ZNF497: variants seen among roughly 807,000 people sequenced by gnomAD.
ZNF497 encodes zinc finger protein 497.
For synonymous variants in ZNF497, 422 were observed against 313.7 expected, an observed-to-expected ratio of 1.35 and a Z score of -3.65; for missense variants, 930 against 714.0, an observed-to-expected ratio of 1.30 and a Z score of -3.45.
At position 58,356,521 on chromosome 19, in the gene ZNF497, T is replaced by G. The variant is rs1330782568; in HGVS notation, c.1115A>C (p.Asn372Thr). The G allele has an allele frequency of 6.5e-7, 1 of 1,549,514 alleles. No homozygotes were observed. The highest frequency in any genetic ancestry group is 8.7e-7 in the Non-Finnish European group (1 of 1,153,060). Residue 372 changes from asparagine to threonine, a missense_variant, in exon 3 of 3, where the codon AAC becomes ACC. Physicochemically the swap from Asn to Thr is moderately conservative, Grantham distance 65. Coordinates refer to ENST00000311044, the MANE Select transcript of ZNF497 (RefSeq NM_198458.3). ...QCGKAFSQRS[N>T]LLSHRRTHSG... ...GTGCGTGCGCCGGTGGCTCAGTAGGTTGGAGCGCTGGCTGAAGGCCTTGCC... is the reference window on the plus strand; with the variant it reads ...GTGCGTGCGCCGGTGGCTCAGTAGGGTGGAGCGCTGGCTGAAGGCCTTGCC...
rs772812242 is a variant in ZNF497 at position 58,356,683 on chromosome 19, A to T, written c.953T>A (p.Leu318Gln). Residue 318 changes from leucine to glutamine, a missense_variant, in exon 3 of 3, where the codon CTG becomes CAG. Leu to Gln is a moderately radical substitution (Grantham distance 113). Transcript: ENST00000311044. ...ACCAGTGTGCGTGCGCTGGTGCTGC[A>T]GGAGCTGCGAGCTCTCGCGGAAAGC... ...GKAFRESSQL[L>Q]QHQRTHTGER... is the part of the protein sequence containing the mutation. 1 of 1,556,290 alleles carries T rather than the reference A, an allele frequency of 6.4e-7. No homozygotes were observed. The highest frequency in any genetic ancestry group is 8.6e-7 in the Non-Finnish European group (1 of 1,156,850).
chr19:58,358,406 C>T (rs2148007825), intron 2 of ZNF497, 83 bp downstream of exon 2: 3 of 1,155,290 alleles, frequency 2.6e-6, no homozygotes, highest in Non-Finnish European at 3.3e-6. Flanking sequence ...TCCTCATTTG[C>T]CCTGAGCACC....
chr19:58,356,441 A>C lies in ZNF497; in HGVS notation c.1195T>G (p.Ser399Ala), dbSNP rs770850988. The change falls in exon 3 of 3, where the codon TCC (serine) becomes GCC (alanine). Residue 399 changes from serine to alanine, a missense_variant. Ser to Ala is a moderately conservative substitution (Grantham distance 99). Transcript: ENST00000311044. ...GAAAGCCGGTGGTGCGCCAGGCCGG[A>C]ACTGCCGCGGAAGGCCTTGCCGCAG... ...ADCGKAFRGS[S>A]GLAHHRLSHT... 4 of 1,559,198 alleles carry C rather than the reference A, an allele frequency of 2.6e-6. No individual in the cohort carries two copies. In the South Asian group the frequency reaches 3.5e-5, roughly 14 times the overall value.
chr19:58,359,294 G>A (rs1191348075), intron 1 of ZNF497: 2 of 1,281,420 alleles, frequency 1.6e-6, no homozygotes, highest in Non-Finnish European at 2.0e-6. Context: ...GGGGAGTGCA[G>A]CTGCATGGCC....
At chr19:58,361,145 G>A (rs1343432639) in intron 1 of ZNF497, among the ~76,000 whole-genome samples, 1 of 152,096 alleles carries the variant, frequency 6.6e-6, no homozygotes, top group African/African-American at 2.4e-5. Flanking sequence ...CAAAGTGCTA[G>A]TATTACAGGC....
intron 2 of ZNF497, 72 bp downstream of exon 2, chr19:58,358,417 T>A (rs2052053150): frequency 8.7e-7 from 1 of 1,155,476 alleles, no homozygotes; most frequent in Admixed American, 3.1e-5. Flanking sequence ...CCTGAGCACC[T>A]TATCATCCTT....
rs1308867851 is a variant in ZNF497, at chr19:58,356,460, G to C, written c.1176C>G (p.Gly392=). Residue 392 remains glycine (G), a synonymous_variant, in exon 3 of 3, where the codon GGC becomes GGG. Transcript: ENST00000311044. ...GAKPFACADC[G]KAFRGSSGLA... Reference sequence around the variant, plus strand: ...GGCCGGAACTGCCGCGGAAGGCCTTGCCGCAGTCGGCGCAGGCGAAGGGCT... The same window carrying C: ...GGCCGGAACTGCCGCGGAAGGCCTTCCCGCAGTCGGCGCAGGCGAAGGGCT... The C allele has an allele frequency of 6.4e-7, 1 of 1,553,582 alleles. No individual in the cohort carries two copies. The highest frequency in any genetic ancestry group is 1.9e-5 in the Admixed American group (1 of 52,888).
In ZNF497 at chr19:58,357,892, G is replaced by C. The variant is rs2052046838; in HGVS notation, c.-14-243C>G. The C allele has an allele frequency of 2.2e-6, 3 of 1,367,128 alleles. No individual in the cohort carries two copies. The South Asian group carries it at 5.2e-5, about 24-fold the overall frequency. The allele number at this position is 1,367,128 out of a possible 1,614,324, so 84.7% of individuals were successfully genotyped here. A position where few individuals can be genotyped will look rare whatever the true frequency, so the allele number is the denominator to read the frequency against. On this transcript the variant is annotated intron_variant, in intron 2 of 2. Transcript: ENST00000311044. ...ACGTGCACATCCCCACACCCGGCCC[G>C]GCCCAGCAGGAGGGGAGGGGGCGCC...
Position 58,357,049 on chromosome 19 carries a change from C to G in ZNF497, c.587G>C (p.Gly196Ala), listed in dbSNP as rs1201252734. ...CGTGGTGCTTCGGCCGAAGGACTTG[C>G]CGCAGTCCGGGCAGCGGAAGGGCTT... The part of the protein sequence containing the change: ...GLKPFRCPDC[G>A]KSFGRSTTLV... Residue 196 changes from glycine (G) to alanine (A), a missense_variant, in exon 3 of 3, where the codon GGC becomes GCC. Gly to Ala is a moderately conservative substitution (Grantham distance 60, BLOSUM62 0). Coordinates refer to ENST00000311044, the MANE Select transcript of ZNF497 (RefSeq NM_198458.3). 6.2e-7 allele frequency: 1 copy of G among 1,610,472 alleles called. No homozygotes were observed. The highest frequency in any genetic ancestry group is 1.7e-5 in the Admixed American group (1 of 59,694).
chr19:58,359,112 C>T (rs889498663), intron 1 of ZNF497: 4 of 1,101,346 alleles, frequency 3.6e-6, no homozygotes, highest in Non-Finnish European at 4.9e-6. Context: ...CGCAGCTGAG[C>T]CAGGGCCCCT....
chr19:58,356,087 G>A lies in ZNF497; in HGVS notation c.*52C>T, dbSNP rs376249760. 1.7e-4 allele frequency: 248 copies of A among 1,477,516 alleles called. 3 individuals carry two copies. The African/African-American group carries it at 3.0e-3, about 18-fold the overall frequency. 91.5% of individuals were successfully genotyped at this position (1,477,516 alleles called of 1,614,324 possible). On this transcript the variant is annotated 3_prime_UTR_variant, in exon 3 of 3. Coordinates refer to ENST00000311044, the MANE Select transcript of ZNF497 (RefSeq NM_198458.3). Reference sequence around the variant, plus strand: ...GCCAGCAGACAGCGCACTCACGCCCGAGACCCCGCAATGCCGTGTGTCCGC... The same window carrying A: ...GCCAGCAGACAGCGCACTCACGCCCAAGACCCCGCAATGCCGTGTGTCCGC...
Position 58,361,802 on chromosome 19 carries a change from A to G in ZNF497, c.-112+875T>C, listed in dbSNP as rs890741274. ...CGACATCTGATTTCAATAAAAATCC[A>G]TATTTGTGTATTGAAGTATCAGAAA... On this transcript the variant is annotated intron_variant, in intron 1 of 2. Transcript: ENST00000311044. Among the ~76,000 whole-genome samples the G allele has an allele frequency of 1.2e-4, 19 of 152,212 alleles. No homozygotes were observed. The East Asian group carries it at 3.1e-3, about 25-fold the overall frequency.
intron 1 of ZNF497, among the ~76,000 whole-genome samples, chr19:58,360,958 A>G (rs1305416011): frequency 6.7e-6 from 1 of 150,114 alleles, no homozygotes; most frequent in Non-Finnish European, 1.5e-5. Flanking sequence ...ATTTTTTTAT[A>G]TTTTTGGTAG....
chr19:58,359,756 G>C (rs1465582219), intron 1 of ZNF497, among the ~76,000 whole-genome samples: 4 of 152,112 alleles, frequency 2.6e-5, no homozygotes, highest in Admixed American at 2.6e-4. Context: ...GGTGGATCAC[G>C]AGGTCAGCAA....
Position 58,356,586 on chromosome 19 carries a change from G to T in ZNF497, c.1050C>A (p.Arg350=). The T allele has an allele frequency of 2.6e-6, 4 of 1,546,904 alleles. No individual in the cohort carries two copies. Among genetic ancestry groups the T allele is most frequent in the Non-Finnish European group, 3.5e-6 (4 of 1,151,012 alleles). ...CATGAGGCTTCTCGCCCGTGTGCACGCGCCGGTGCTCCGCCAGGTAGGAGC... is the reference window on the plus strand; with the variant it reads ...CATGAGGCTTCTCGCCCGTGTGCACTCGCCGGTGCTCCGCCAGGTAGGAGC... ...VMGSYLAEHR[R]VHTGEKPHAC... The change falls in exon 3 of 3, where the codon CGC becomes CGA. Residue 350 remains arginine, a synonymous_variant. Coordinates refer to ENST00000311044, the MANE Select transcript of ZNF497 (RefSeq NM_198458.3).
chr19:58,361,912 C>T (rs1024259497), intron 1 of ZNF497, among the ~76,000 whole-genome samples: 4 of 152,162 alleles, frequency 2.6e-5, no homozygotes, highest in Admixed American at 2.0e-4. Flanking sequence ...CCCCGACCCG[C>T]CAGCCCCCAG....
chr19:58,360,435 C>T (rs973692885), intron 1 of ZNF497, among the ~76,000 whole-genome samples: 1 of 151,712 alleles, frequency 6.6e-6, no homozygotes, highest in Non-Finnish European at 1.5e-5. Context: ...GTGGTGCAAT[C>T]TCATCTCCCA....
Position 58,355,552 on chromosome 19 carries a change from G to A in ZNF497, c.*587C>T, listed in dbSNP as rs1568556648. On this transcript the variant is annotated 3_prime_UTR_variant, in exon 3 of 3. Coordinates refer to ENST00000311044, the MANE Select transcript of ZNF497 (RefSeq NM_198458.3). ...AAGTCCCATGAAACAGACCTACACA[G>A]GTGAGATTCTGAGATTGATCTGGTT... The A allele has an allele frequency of 6.6e-6, 1 of 152,378 alleles. No homozygotes were observed. Among genetic ancestry groups the A allele is most frequent in the Non-Finnish European group, 1.5e-5 (1 of 68,202 alleles). The allele number at this position is 152,378 out of a possible 1,614,324, so 9.4% of individuals were successfully genotyped here.
chr19:58,362,613 G>A (rs1248320281), intron 1 of ZNF497, 64 bp downstream of exon 1: 2 of 152,154 alleles, frequency 1.3e-5, no homozygotes, highest in East Asian at 3.9e-4. Flanking sequence ...CCCGCGCGGC[G>A]GGAGTGGTTG....
Sources: allele counts gnomAD v4.1 joint callset (sites outside exome capture counted in the v4.1 genomes callset), GRCh38; gene constraint gnomAD v4.1.1; transcripts MANE v1.5; gene names NCBI Gene and HGNC (gene_info 2026-07-23, HGNC 2026-07-21).